Variants in REV3L observed in about 807,000 individuals in gnomAD.
REV3L encodes REV3 like, DNA directed polymerase zeta catalytic subunit.
Under a neutral mutation model 299.4 loss-of-function variants are expected in REV3L, and 69 were observed. The observed-to-expected ratio is 0.23, with a 90% CI of 0.19 to 0.28. The LOEUF (loss-of-function observed/expected upper bound fraction) is 0.28, where lower values mean the gene tolerates loss of function less well. Ranked by LOEUF, REV3L falls within the 10% of genes least tolerant of loss-of-function variation. REV3L has a pLI of 1.00. For missense variants in REV3L, 3,128 were observed against 3,693.8 expected, an observed-to-expected ratio of 0.85 and a Z score of 3.97; for synonymous variants, 1,238 against 1,271.4, an observed-to-expected ratio of 0.97 and a Z score of 0.56.
At chr6:111,338,622 G>A (rs1776182379) in intron 21 of REV3L, among the ~76,000 whole-genome samples, 1 of 151,722 alleles carries the variant, frequency 6.6e-6, no homozygotes, top group South Asian at 2.1e-4. Flanking sequence ...AAGTACAGAA[G>A]TTTGTTTTTG....
Position 111,314,285 on chromosome 6 carries a change from C to T in REV3L, c.8467-796G>A, listed in dbSNP as rs150705076. On this transcript the variant is annotated intron_variant, in intron 27 of 31. Coordinates refer to ENST00000368802, the MANE Select transcript of REV3L (RefSeq NM_001372078.1). Reference sequence around the variant, plus strand: ...TCTTCCATCCTACATGGTCTTCTTACAATGTGACTTTGACATTCTTCCTAT... The same window carrying T: ...TCTTCCATCCTACATGGTCTTCTTATAATGTGACTTTGACATTCTTCCTAT... 9.7e-4 allele frequency among the ~76,000 whole-genome samples: 147 copies of T among 152,320 alleles called. 2 individuals carry two copies. Among genetic ancestry groups the T allele is most frequent in the African/African-American group, 3.5e-3 (145 of 41,578 alleles).
chr6:111,416,504 C>A (rs35602042), intron 1 of REV3L, 32 bp from the exon 2 acceptor site: 1 of 1,529,740 alleles, frequency 6.5e-7, no homozygotes, highest in Non-Finnish European at 9.0e-7. Context: ...AGTTTAGTTT[C>A]CAGACACAGT....
Position 111,390,156 on chromosome 6 carries a change from T to C in REV3L, c.687A>G (p.Glu229=). ...IPSSLILEGV[E]PQSTCELEVD... Reference sequence around the variant, plus strand: ...CTTCTAATTCACATGTACTCTGTGGTTCAACACCTTCCAATATTAAAGAGC... The same window carrying C: ...CTTCTAATTCACATGTACTCTGTGGCTCAACACCTTCCAATATTAAAGAGC... The change falls in exon 6 of 32, where the codon GAA becomes GAG. Residue 229 remains glutamate (E), a synonymous_variant. Transcript: ENST00000368802. 1 of 1,605,238 alleles carries C rather than the reference T, an allele frequency of 6.2e-7. No individual in the cohort carries two copies. The highest frequency in any genetic ancestry group is 8.5e-7 in the Non-Finnish European group (1 of 1,172,258).
intron 22 of REV3L, among the ~76,000 whole-genome samples, chr6:111,334,585 A>G (rs1210777926): frequency 6.6e-6 from 1 of 152,212 alleles, no homozygotes; most frequent in Non-Finnish European, 1.5e-5. Context: ...AATAACTATT[A>G]GAAGGCTTGG....
At position 111,483,204 on chromosome 6, in the gene REV3L, TG is replaced by T; in HGVS notation, c.-317del. The T allele has an allele frequency of 2.2e-6, 1 of 458,242 alleles. No individual in the cohort carries two copies. Among genetic ancestry groups the T allele is most frequent in the Non-Finnish European group, 3.8e-6 (1 of 263,778 alleles). The allele number at this position is 458,242 out of a possible 1,614,324, so 28.4% of individuals were successfully genotyped here. ...TCCCAGGCTGCAGCTCTTGTTGCCA[TG>T]ATGATGATGTCACGGACGCAACCAC... On this transcript the variant is annotated 5_prime_UTR_variant, in exon 1 of 32. Transcript: ENST00000368802.
intron 22 of REV3L, among the ~76,000 whole-genome samples, chr6:111,333,814 A>G (rs1775640250): frequency 1.3e-5 from 2 of 152,166 alleles, no homozygotes; most frequent in Non-Finnish European, 2.9e-5. Context: ...AGATGCGAAA[A>G]GGGATATATG....
At position 111,390,375 on chromosome 6, in the gene REV3L, T is replaced by A. The variant is rs189741467; in HGVS notation, c.663-195A>T. Among the ~76,000 whole-genome samples, 494 of 152,228 alleles carry A rather than the reference T, an allele frequency of 3.2e-3. 1 individual carries two copies. The highest frequency in any genetic ancestry group is 4.7e-3 in the Non-Finnish European group (323 of 68,024). On this transcript the variant is annotated intron_variant, in intron 5 of 31. Coordinates refer to ENST00000368802, the MANE Select transcript of REV3L (RefSeq NM_001372078.1). ...TAGGATGAGAAAAATACAAAACATA[T>A]TATACTGACTACCCTAGATCCTTTT... is the stretch of plus-strand genomic sequence containing the variant.
intron 1 of REV3L, among the ~76,000 whole-genome samples, chr6:111,468,388 G>A (rs967130771): frequency 2.6e-5 from 4 of 152,296 alleles, no homozygotes; most frequent in African/African-American, 7.2e-5. Context: ...TTTACAGATG[G>A]AGATGAACTT....
At chr6:111,310,989 G>T (rs1772912858) in intron 29 of REV3L, 80 bp downstream of exon 29, 2 of 1,134,140 alleles carry the variant, frequency 1.8e-6, no homozygotes. Flanking sequence ...CTGTGTCTAT[G>T]GACTGTCTTT....
intron 1 of REV3L, among the ~76,000 whole-genome samples, chr6:111,470,832 T>C (rs1189001936): frequency 6.6e-6 from 1 of 151,932 alleles, no homozygotes; most frequent in East Asian, 1.9e-4. Context: ...ATACAAAAAG[T>C]AGCCGGGTGT....
chr6:111,397,045 T>C (rs1562250556), intron 4 of REV3L, among the ~76,000 whole-genome samples: 1 of 152,062 alleles, frequency 6.6e-6, no homozygotes, highest in Admixed American at 6.5e-5. Context: ...TAGCGATTTA[T>C]TGATCTTTTC....
At chr6:111,483,566 A>G (rs1336050226), upstream of REV3L, 3 of 476,956 alleles carry the variant, frequency 6.3e-6, no homozygotes, top group African/African-American at 2.0e-5. Flanking sequence ...GCGGCTATGC[A>G]GGATTGGCAG....
In REV3L at chr6:111,374,313, G is replaced by C; in HGVS notation, c.4042C>G (p.Leu1348Val). ...TTTTGAATTAACGTTGATTCCTTTA[G>C]AGTAAACATAGCACTTTGATTATGA... ...RPHNQSAMFTLKESTLIQKNI... is the reference protein window; with the variant it reads ...RPHNQSAMFTVKESTLIQKNI... The change falls in exon 13 of 32, where the codon CTA becomes GTA. Residue 1348 changes from leucine to valine, a missense_variant. This residue lies in a region of REV3L where 2,409 missense variants were observed against 2,611.8 expected (regional missense o/e 0.92). Coordinates refer to ENST00000368802, the MANE Select transcript of REV3L (RefSeq NM_001372078.1). 1 of 1,613,874 alleles carries C rather than the reference G, an allele frequency of 6.2e-7. No homozygotes were observed. The highest frequency in any genetic ancestry group is 1.3e-5 in the African/African-American group (1 of 75,034).
intron 1 of REV3L, among the ~76,000 whole-genome samples, chr6:111,472,386 T>C (rs1022403167): frequency 2.0e-5 from 3 of 151,968 alleles, no homozygotes; most frequent in African/African-American, 4.8e-5. Context: ...GGAAGAAAAA[T>C]AGTATTCTTG....
intron 1 of REV3L, among the ~76,000 whole-genome samples, chr6:111,419,118 T>C (rs1785055572): frequency 6.6e-6 from 1 of 152,160 alleles, no homozygotes; most frequent in African/African-American, 2.4e-5. Context: ...TCCAAATCTG[T>C]AGTCACTCTA....
intron 1 of REV3L, among the ~76,000 whole-genome samples, chr6:111,453,652 T>C (rs921757311): frequency 2.6e-5 from 4 of 152,200 alleles, no homozygotes; most frequent in African/African-American, 9.6e-5. Flanking sequence ...ATTTATATTA[T>C]CACAAGAATA....
chr6:111,426,415 C>A (rs920056095), intron 1 of REV3L, among the ~76,000 whole-genome samples: 1 of 152,174 alleles, frequency 6.6e-6, no homozygotes, highest in Non-Finnish European at 1.5e-5. Flanking sequence ...AATGTCCTCA[C>A]ATCTCCCCTT....
chr6:111,368,498 G>T (rs977832854), intron 13 of REV3L, among the ~76,000 whole-genome samples: 4 of 151,968 alleles, frequency 2.6e-5, no homozygotes, highest in African/African-American at 9.7e-5. Context: ...CAATTCAAAT[G>T]AATCTTCGTA....
chr6:111,480,593 T>C (rs1179430879), intron 1 of REV3L, among the ~76,000 whole-genome samples: 1 of 152,134 alleles, frequency 6.6e-6, no homozygotes, highest in Non-Finnish European at 1.5e-5. Flanking sequence ...TCTAAATGTA[T>C]GCCAATGACT....
Sources: gnomAD v4.1 joint callset for allele counts (sites outside exome capture counted in the v4.1 genomes callset) on GRCh38, gnomAD v4.1.1 for gene constraint, gnomAD v4.1.1 regional missense constraint, MANE v1.5 for transcripts, NCBI Gene and HGNC (gene_info 2026-07-23, HGNC 2026-07-21) for gene names.